Variants in OR8G1 observed in about 807,000 individuals in gnomAD.
OR8G1 encodes the protein olfactory receptor 8G1.
For missense variants in OR8G1, 372 were observed against 356.2 expected, an observed-to-expected ratio of 1.04 and a Z score of -0.36; for synonymous variants, 129 against 133.3, an observed-to-expected ratio of 0.97 and a Z score of 0.22.
Position 124,250,541 on chromosome 11 carries a change from T to C in OR8G1, c.866T>C (p.Ile289Thr). The part of the protein sequence containing the change: ...TIIVPMLNPL[I>T]YSLRNKDVHV... ...ATTGTGCCCATGTTGAACCCTCTGA[T>C]TTATAGCCTGAGGAATAAAGATGTC... Residue 289 changes from isoleucine to threonine, a missense_variant, in exon 3 of 3, where the codon ATT (isoleucine) becomes ACT (threonine). Coordinates refer to ENST00000641972, the MANE Select transcript of OR8G1 (RefSeq NM_001002905.2). 5 of 494,612 alleles carry C rather than the reference T, an allele frequency of 1.0e-5. 1 individual carries two copies. In the South Asian group the frequency reaches 2.6e-4, roughly 25 times the overall value. 30.6% of individuals were successfully genotyped at this position (494,612 alleles called of 1,614,324 possible).
chr11:124,243,773 G>T (rs1252427127), intron 1 of OR8G1, among the ~76,000 whole-genome samples: 1 of 151,962 alleles, frequency 6.6e-6, no homozygotes, highest in Non-Finnish European at 1.5e-5. Flanking sequence ...TACTTTTCAT[G>T]CATTTTGGCT....
chr11:124,244,270 TAGGG>T (rs999682983), intron 1 of OR8G1, among the ~76,000 whole-genome samples: 5 of 152,048 alleles, frequency 3.3e-5, no homozygotes, highest in Non-Finnish European at 7.4e-5. Flanking sequence ...ACTAAGCACA[TAGGG>T]AGGTGATTCA....
intron 2 of OR8G1, among the ~76,000 whole-genome samples, chr11:124,249,340 A>T (rs1861840842): frequency 6.6e-6 from 1 of 152,004 alleles, no homozygotes; most frequent in African/African-American, 2.4e-5. Flanking sequence ...CATGAGTTCA[A>T]CTCATTTATA....
chr11:124,246,902 A>G (rs192335220), intron 1 of OR8G1, among the ~76,000 whole-genome samples: 5 of 150,880 alleles, frequency 3.3e-5, no homozygotes, highest in Admixed American at 3.3e-4. Context: ...TGTAATGATA[A>G]CAATTCACTT....
At chr11:124,242,150 T>C (rs776724801) in intron 1 of OR8G1, among the ~76,000 whole-genome samples, 1 of 152,020 alleles carries the variant, frequency 6.6e-6, no homozygotes, top group Non-Finnish European at 1.5e-5. Flanking sequence ...TAGTTACATT[T>C]ATTAAAAGAT....
At chr11:124,244,230 A>G (rs955877007) in intron 1 of OR8G1, among the ~76,000 whole-genome samples, 2 of 152,012 alleles carry the variant, frequency 1.3e-5, no homozygotes, top group African/African-American at 4.8e-5. Context: ...GAACTATTCT[A>G]CAAAGACTAA....
intron 2 of OR8G1, among the ~76,000 whole-genome samples, chr11:124,249,278 C>G (rs1483736830): frequency 6.6e-6 from 1 of 152,062 alleles, no homozygotes; most frequent in Non-Finnish European, 1.5e-5. Context: ...AAATTAGTTT[C>G]AGGTAATTAA....
intron 1 of OR8G1, among the ~76,000 whole-genome samples, chr11:124,243,765 C>G (rs1435914525): frequency 6.6e-6 from 1 of 151,940 alleles, no homozygotes; most frequent in African/African-American, 2.4e-5. Flanking sequence ...TGTCATTTTA[C>G]TTTTCATGCA....
chr11:124,243,516 A>G (rs1861780312), intron 1 of OR8G1, among the ~76,000 whole-genome samples: 1 of 151,962 alleles, frequency 6.6e-6, no homozygotes, highest in Admixed American at 6.6e-5. Flanking sequence ...ATCCCTTATT[A>G]TGGTGAATAT....
At chr11:124,249,455 T>C (rs10893190) in intron 2 of OR8G1, among the ~76,000 whole-genome samples, 3,475 of 152,218 alleles carry the variant, frequency 0.023, 83 homozygotes, top group South Asian at 0.13. Context: ...AAGTGTTCAA[T>C]GATAAAAATG....
Position 124,250,537 on chromosome 11 carries a change from CTG to C in OR8G1, c.863_864del (p.Leu288HisfsTer3). 8.5e-7 allele frequency: 1 copy of C among 1,173,056 alleles called. No homozygotes were observed. 72.7% of individuals were successfully genotyped at this position (1,173,056 alleles called of 1,614,324 possible). A position where few individuals can be genotyped will look rare whatever the true frequency, so the allele number is the denominator to read the frequency against. ...YTIIVPMLNP[L>X]IYSLRNKDVH... ...TATTATTGTGCCCATGTTGAACCCT[CTG>C]ATTTATAGCCTGAGGAATAAAGATG... is the stretch of plus-strand genomic sequence containing the variant. On this transcript the variant is annotated frameshift_variant, in exon 3 of 3. Coordinates refer to ENST00000641972, the MANE Select transcript of OR8G1 (RefSeq NM_001002905.2). LOFTEE classifies it low-confidence loss of function (END_TRUNC).
rs186498061 is a variant in OR8G1, at chr11:124,249,669, G to A, written c.-7G>A. 3,565 of 1,610,752 alleles carry A rather than the reference G, an allele frequency of 2.2e-3. 5 individuals carry two copies. Among genetic ancestry groups the A allele is most frequent in the Non-Finnish European group, 2.3e-3 (2,698 of 1,178,258 alleles). ...TTTTCTCTTCCTGCAGAAACTGACT[G>A]GAGGAGATGTCAGGAGAAAATAATT... On this transcript the variant is annotated 5_prime_UTR_variant, in exon 3 of 3. Transcript: ENST00000641972.
chr11:124,250,239 T>C lies in OR8G1; in HGVS notation c.564T>C (p.Ser188=). 6.2e-7 allele frequency: 1 copy of C among 1,613,772 alleles called. No homozygotes were observed. The highest frequency in any genetic ancestry group is 2.2e-5 in the East Asian group (1 of 44,862). The change falls in exon 3 of 3, where the codon TCT becomes TCC. Residue 188 remains serine, a synonymous_variant. Coordinates refer to ENST00000641972, the MANE Select transcript of OR8G1 (RefSeq NM_001002905.2). Reference sequence around the variant, plus strand: ...ATCTTCTTCCCCTCCTAAAGCTCTCTTGCTCTAGTATCTATGTCAACAAAC... The same window carrying C: ...ATCTTCTTCCCCTCCTAAAGCTCTCCTGCTCTAGTATCTATGTCAACAAAC... ...FCDLLPLLKL[S]CSSIYVNKLL...
intron 2 of OR8G1, 78 bp from the exon 3 acceptor site, chr11:124,249,582 A>T: frequency 4.2e-6 from 6 of 1,412,090 alleles, no homozygotes; most frequent in Non-Finnish European, 5.6e-6. Context: ...ATATCTGGGA[A>T]CCTTTTCTCA....
At chr11:124,244,715 C>A (rs1278576111) in intron 1 of OR8G1, among the ~76,000 whole-genome samples, 1 of 151,904 alleles carries the variant, frequency 6.6e-6, no homozygotes, top group African/African-American at 2.4e-5. Flanking sequence ...TTTATGATAA[C>A]CACCTTGAGT....
In OR8G1 at chr11:124,251,457, G is replaced by A; in HGVS notation, c.*846G>A. ...TTCAAGTTGATTAAAATTTACTTTA[G>A]AAGGTTCTTCAAGAATCTATAATAT... On this transcript the variant is annotated 3_prime_UTR_variant, in exon 3 of 3. Transcript: ENST00000641972. 1 of 832,152 alleles carries A rather than the reference G, an allele frequency of 1.2e-6. No homozygotes were observed. Among genetic ancestry groups the A allele is most frequent in the Non-Finnish European group, 1.7e-6 (1 of 573,236 alleles). 51.5% of individuals were successfully genotyped at this position (832,152 alleles called of 1,614,324 possible). A position where few individuals can be genotyped will look rare whatever the true frequency, so the allele number is the denominator to read the frequency against.
intron 1 of OR8G1, among the ~76,000 whole-genome samples, chr11:124,242,292 GCCTT>G (rs1255011910): frequency 6.6e-6 from 1 of 151,910 alleles, no homozygotes; most frequent in Admixed American, 6.6e-5. Context: ...GCTTTTGTGT[GCCTT>G]CCATCTTATC....
rs1450238558 is a variant in OR8G1 at position 124,250,421 on chromosome 11, T to C, written c.746T>C (p.Val249Ala). The change falls in exon 3 of 3, where the codon GTA (valine) becomes GCA (alanine). Residue 249 changes from valine to alanine, a missense_variant. Physicochemically the swap from Val to Ala is moderately conservative, Grantham distance 64. Coordinates refer to ENST00000641972, the MANE Select transcript of OR8G1 (RefSeq NM_001002905.2). ...STCSSHMLAV[V>A]IFFGSAAFMY... ...TGTAGCTCCCACATGTTGGCGGTTGTAATCTTTTTTGGATCTGCAGCATTC... is the reference window on the plus strand; with the variant it reads ...TGTAGCTCCCACATGTTGGCGGTTGCAATCTTTTTTGGATCTGCAGCATTC... The C allele has an allele frequency of 6.2e-7, 1 of 1,613,812 alleles. No individual in the cohort carries two copies. The highest frequency in any genetic ancestry group is 2.2e-5 in the East Asian group (1 of 44,878).
intron 1 of OR8G1, among the ~76,000 whole-genome samples, chr11:124,242,733 T>C (rs1419380766): frequency 6.6e-6 from 1 of 152,076 alleles, no homozygotes; most frequent in Non-Finnish European, 1.5e-5. Context: ...AAGTACACTT[T>C]TATGTTTTCT....
Sources: allele counts gnomAD v4.1 joint callset (sites outside exome capture counted in the v4.1 genomes callset), GRCh38; gene constraint gnomAD v4.1.1; transcripts MANE v1.5; gene names NCBI Gene and HGNC (gene_info 2026-07-23, HGNC 2026-07-21).